Variants in STK17A observed in about 807,000 individuals in gnomAD.
STK17A encodes serine/threonine-protein kinase 17A.
Under a neutral mutation model 43.7 loss-of-function variants are expected in STK17A, and 26 were observed. The ratio of observed to expected loss-of-function variants is 0.60; its 90% CI spans 0.44 to 0.83. The LOEUF is 0.83. Ranked by LOEUF, STK17A falls within the 40% of genes least tolerant of loss-of-function variation. The pLI is 0.00. For missense variants in STK17A, 476 were observed against 511.6 expected, an observed-to-expected ratio of 0.93 and a Z score of 0.67; for synonymous variants, 191 against 182.5, an observed-to-expected ratio of 1.05 and a Z score of -0.38.
At chr7:43,608,143 TA>T (rs1318958526) in intron 2 of STK17A, 112 bp from the exon 3 acceptor site, 22 of 1,060,252 alleles carry the variant, frequency 2.1e-5, no homozygotes, top group Non-Finnish European at 1.2e-5. Context: ...ATACATTTTT[TA>T]AAAAAGGTAT....
intron 4 of STK17A, chr7:43,622,399 TTGAG>T (rs1321703253): frequency 6.6e-6 from 1 of 152,230 alleles, no homozygotes; most frequent in Non-Finnish European, 1.5e-5. Context: ...ATACATGACC[TTGAG>T]TATTTCGTTT....
intron 1 of STK17A, among the ~76,000 whole-genome samples, chr7:43,589,854 A>G (rs1176492010): frequency 1.4e-5 from 2 of 146,496 alleles, no homozygotes; most frequent in African/African-American, 5.0e-5. Context: ...CTGGCAATCC[A>G]CTCTTCACAA....
intron 2 of STK17A, among the ~76,000 whole-genome samples, chr7:43,602,318 TTC>T (rs2082561260): frequency 6.6e-6 from 1 of 152,202 alleles, no homozygotes; most frequent in Non-Finnish European, 1.5e-5. Context: ...TGTCTTGCCT[TTC>T]TCTTTTCCTT....
At chr7:43,588,163 T>A (rs981126124) in intron 1 of STK17A, among the ~76,000 whole-genome samples, 41 of 151,632 alleles carry the variant, frequency 2.7e-4, no homozygotes, top group South Asian at 1.0e-3. Context: ...ATATTTTTTT[T>A]AAATTATTAT....
intron 3 of STK17A, among the ~76,000 whole-genome samples, chr7:43,615,860 T>A (rs2083293090): frequency 6.6e-6 from 1 of 152,194 alleles, no homozygotes; most frequent in South Asian, 2.1e-4. Context: ...GGCTCTTTTT[T>A]AACATTGTCC....
At chr7:43,617,040 G>A (rs965597889) in intron 3 of STK17A, among the ~76,000 whole-genome samples, 6 of 152,192 alleles carry the variant, frequency 3.9e-5, no homozygotes, top group South Asian at 2.1e-4. Context: ...AGAAAAAAGC[G>A]TTCTAGACTG....
At chr7:43,613,069 G>C (rs904566717) in intron 3 of STK17A, among the ~76,000 whole-genome samples, 1 of 152,140 alleles carries the variant, frequency 6.6e-6, no homozygotes, top group Non-Finnish European at 1.5e-5. Flanking sequence ...CCTGTCAGAG[G>C]GAGGGAGGAC....
At chr7:43,592,456 C>A in intron 1 of STK17A, among the ~76,000 whole-genome samples, 1 of 142,760 alleles carries the variant, frequency 7.0e-6, no homozygotes, top group Non-Finnish European at 1.6e-5. Context: ...ACATGGAGGA[C>A]ATGAAAATTA....
chr7:43,624,545 A>G lies in STK17A; in HGVS notation c.948A>G (p.Leu316=), dbSNP rs1415041965. 6.2e-6 allele frequency: 10 copies of G among 1,613,480 alleles called. No homozygotes were observed. Among genetic ancestry groups the G allele is most frequent in the Non-Finnish European group, 7.6e-6 (9 of 1,179,766 alleles). Residue 316 remains leucine, a synonymous_variant, in exon 7 of 7, where the codon CTA becomes CTG. Transcript: ENST00000319357. ...ATCGAGCCACTGCTGAAGAATGTCT[A>G]AAGCACCCCTGGTTGACACAGAGCA... ...PEDRATAEEC[L]KHPWLTQSSI...
At chr7:43,586,116 C>T (rs10248703) in intron 1 of STK17A, among the ~76,000 whole-genome samples, 18,579 of 151,426 alleles carry the variant, frequency 0.12, 1,674 homozygotes, top group Admixed American at 0.2. Context: ...ATTAATCTCA[C>T]GCTGATAAAG....
At chr7:43,583,515 A>C (rs2082416166) in intron 1 of STK17A, 66 bp downstream of exon 1, 1 of 1,211,372 alleles carries the variant, frequency 8.3e-7, no homozygotes. Flanking sequence ...GGGCGCCGAT[A>C]AGTGCCGGCG....
At chr7:43,591,139 G>A (rs1021601476) in intron 1 of STK17A, among the ~76,000 whole-genome samples, 2 of 151,514 alleles carry the variant, frequency 1.3e-5, no homozygotes, top group African/African-American at 4.8e-5. Flanking sequence ...GTCAGTTTCA[G>A]TGGTATGTGG....
chr7:43,583,167 G>A lies in STK17A; in HGVS notation c.-77G>A. 6.8e-7 allele frequency: 1 copy of A among 1,480,244 alleles called. No homozygotes were observed. Among genetic ancestry groups the A allele is most frequent in the African/African-American group, 1.5e-5 (1 of 68,580 alleles). The allele number at this position is 1,480,244 out of a possible 1,614,324, so 91.7% of individuals were successfully genotyped here. A position where few individuals can be genotyped will look rare whatever the true frequency, so the allele number is the denominator to read the frequency against. On this transcript the variant is annotated 5_prime_UTR_variant, in exon 1 of 7. Coordinates refer to ENST00000319357, the MANE Select transcript of STK17A (RefSeq NM_004760.3). ...TTGAAGGCTCCGCGGACCGGCACTA[G>A]GAGCCGGGGGCGGGTCCGTGACCCT...
intron 4 of STK17A, among the ~76,000 whole-genome samples, chr7:43,622,022 T>C (rs1455699183): frequency 6.6e-6 from 1 of 152,194 alleles, no homozygotes; most frequent in Non-Finnish European, 1.5e-5. Context: ...AAGGGGCTAG[T>C]AATAGTACCG....
chr7:43,594,286 A>T lies in STK17A; in HGVS notation c.207-1615A>T, dbSNP rs150644599. On this transcript the variant is annotated intron_variant, in intron 1 of 6. Coordinates refer to ENST00000319357, the MANE Select transcript of STK17A (RefSeq NM_004760.3). ...AAGGAAAAAAAAAAAACCCATGGGG[A>T]TGGGGATTGATTGCAAATTGGGAAA... Among the ~76,000 whole-genome samples the T allele has an allele frequency of 2.6e-3, 379 of 147,780 alleles. No homozygotes were observed. In the Middle Eastern group the frequency reaches 0.029, roughly 11 times the overall value.
chr7:43,615,895 A>G (rs951191982), intron 3 of STK17A, among the ~76,000 whole-genome samples: 10 of 152,038 alleles, frequency 6.6e-5, no homozygotes, highest in African/African-American at 2.4e-4. Context: ...TTGCCTTCTT[A>G]GAGAGGCCTT....
Position 43,592,386 on chromosome 7 carries a change from A to G in STK17A, c.207-3515A>G, listed in dbSNP as rs1276269429. Among the ~76,000 whole-genome samples the G allele has an allele frequency of 3.3e-5, 5 of 151,906 alleles. 1 individual carries two copies. Among genetic ancestry groups the G allele is most frequent in the Admixed American group, 3.3e-4 (5 of 15,264 alleles). ...GCTAGGTAGGTTGTTACCAAATTGA[A>G]CAGCCATAGGGCTATGCTTAAGGAT... On this transcript the variant is annotated intron_variant, in intron 1 of 6. Coordinates refer to ENST00000319357, the MANE Select transcript of STK17A (RefSeq NM_004760.3).
At chr7:43,583,512 G>T in intron 1 of STK17A, 63 bp downstream of exon 1, 1 of 1,220,388 alleles carries the variant, frequency 8.2e-7, no homozygotes. Context: ...CGTGGGCGCC[G>T]ATAAGTGCCG....
intron 4 of STK17A, chr7:43,622,715 T>G (rs1263133831): frequency 6.7e-6 from 1 of 150,066 alleles, no homozygotes; most frequent in Non-Finnish European, 1.5e-5. Flanking sequence ...GTTTTTTTTT[T>G]TGTGAGACAC....
Sources: allele counts gnomAD v4.1 joint callset (sites outside exome capture counted in the v4.1 genomes callset), GRCh38; gene constraint gnomAD v4.1.1; transcripts MANE v1.5; gene names NCBI Gene and HGNC (gene_info 2026-07-23, HGNC 2026-07-21).